Variants in C4BPA observed in about 807,000 individuals in gnomAD.
C4BPA encodes complement component 4 binding protein alpha.
In C4BPA, 31 loss-of-function variants were observed where a neutral mutation model predicts 63.7. The observed-to-expected ratio is 0.49, with a 90% CI of 0.37 to 0.66. The LOEUF (loss-of-function observed/expected upper bound fraction) is 0.66. Among genes scored for constraint, C4BPA ranks in the 30% least tolerant of loss-of-function variants. The pLI is 0.00. For synonymous variants in C4BPA, 259 were observed against 254.7 expected (o/e 1.02, Z -0.16); for missense variants, 572 against 723.3 (o/e 0.79, Z 2.40).
intron 1 of C4BPA, 80 bp from the exon 2 acceptor site, chr1:207,112,921 G>A: frequency 7.7e-7 from 1 of 1,302,442 alleles, no homozygotes; most frequent in Non-Finnish European, 1.0e-6. Context: ...TTGAAGACAT[G>A]GATCCCATAA....
chr1:207,131,471 G>C, intron 7 of C4BPA, 75 bp from the exon 8 acceptor site: 1 of 1,032,510 alleles, frequency 9.7e-7, no homozygotes, highest in East Asian at 2.5e-5. Flanking sequence ...CCTTTGATAG[G>C]ACAGGCTTAT....
chr1:207,127,325 G>A (rs1314414935), intron 7 of C4BPA: 1 of 152,356 alleles, frequency 6.6e-6, no homozygotes, highest in Non-Finnish European at 1.5e-5. Flanking sequence ...TGTGTGAACT[G>A]GTTATGATTC....
At chr1:207,121,583 T>G (rs925988701) in intron 4 of C4BPA, among the ~76,000 whole-genome samples, 2 of 152,118 alleles carry the variant, frequency 1.3e-5, no homozygotes, top group African/African-American at 2.4e-5. Flanking sequence ...CATTAGGAGT[T>G]TACATTTATT....
chr1:207,121,680 A>G (rs1185339714), intron 4 of C4BPA, among the ~76,000 whole-genome samples: 4 of 152,048 alleles, frequency 2.6e-5, no homozygotes, highest in Non-Finnish European at 5.9e-5. Flanking sequence ...TTCTATTAAA[A>G]ATATATGGTG....
At chr1:207,137,397 A>AT (rs1685304856) in intron 9 of C4BPA, among the ~76,000 whole-genome samples, 1 of 152,150 alleles carries the variant, frequency 6.6e-6, no homozygotes, top group South Asian at 2.1e-4. Flanking sequence ...GCTTTTATAC[A>AT]TTTTAGGGAG....
chr1:207,122,578 A>G (rs1262399411), intron 4 of C4BPA, among the ~76,000 whole-genome samples: 1 of 152,118 alleles, frequency 6.6e-6, no homozygotes, highest in African/African-American at 2.4e-5. Context: ...TACTTGAAAT[A>G]TATATATTTT....
At chr1:207,137,809 C>A (rs138766723) in intron 9 of C4BPA, among the ~76,000 whole-genome samples, 1 of 151,876 alleles carries the variant, frequency 6.6e-6, no homozygotes, top group African/African-American at 2.4e-5. Flanking sequence ...GTAGAGACAG[C>A]GTTTCACCAT....
intron 10 of C4BPA, 29 bp downstream of exon 10, chr1:207,141,305 A>AT (rs758503349): frequency 2.5e-5 from 40 of 1,595,840 alleles, no homozygotes; most frequent in Non-Finnish European, 2.6e-6. Flanking sequence ...TCAGCTCAAG[A>AT]TTAAGTGGGT....
At chr1:207,114,008 C>A in intron 2 of C4BPA, 92 bp from the exon 3 acceptor site, 1 of 1,072,712 alleles carries the variant, frequency 9.3e-7, no homozygotes, top group Non-Finnish European at 1.4e-6. Context: ...TTGAAAAGAA[C>A]GATCCCTGCT....
chr1:207,126,885 T>C lies in C4BPA; in HGVS notation c.879T>C (p.Ala293=), dbSNP rs946084245. ...GCAAATGGAATCCTTCTCCTCCTGC[T>C]TGTGAGCCCAGTAAGTATGGACTGT... ...ADSKWNPSPP[A]CEPNSCINLP... is the part of the protein sequence containing the mutation. The change falls in exon 7 of 12, where the codon GCT becomes GCC. Residue 293 remains alanine (A), a synonymous_variant. Transcript: ENST00000367070. The C allele has an allele frequency of 5.0e-6, 8 of 1,612,418 alleles. No individual in the cohort carries two copies. The highest frequency in any genetic ancestry group is 6.8e-6 in the Non-Finnish European group (8 of 1,179,010).
chr1:207,131,767 G>A (rs368499538), intron 8 of C4BPA, 27 bp downstream of exon 8: 18 of 1,483,610 alleles, frequency 1.2e-5, no homozygotes, highest in Non-Finnish European at 1.7e-5. Context: ...TAATATTTTT[G>A]TATATTAAAT....
At chr1:207,116,554 G>A (rs71515112) in intron 4 of C4BPA, among the ~76,000 whole-genome samples, 88,999 of 148,566 alleles carry the variant, frequency 0.6, 27,613 homozygotes, top group East Asian at 0.73. Context: ...GTGTGTGTGT[G>A]TGTGTATAAT....
intron 1 of C4BPA, among the ~76,000 whole-genome samples, chr1:207,106,135 C>T (rs1002813921): frequency 6.6e-6 from 1 of 152,144 alleles, no homozygotes; most frequent in African/African-American, 2.4e-5. Context: ...CTTCTCAGCT[C>T]GCAAGTTCTA....
chr1:207,117,426 G>A (rs1467126998), intron 4 of C4BPA, among the ~76,000 whole-genome samples: 1 of 152,164 alleles, frequency 6.6e-6, no homozygotes, highest in African/African-American at 2.4e-5. Context: ...ACTACAACCT[G>A]GGTGACAGGG....
At chr1:207,122,543 C>A (rs7545083) in intron 4 of C4BPA, among the ~76,000 whole-genome samples, 1 of 151,938 alleles carries the variant, frequency 6.6e-6, no homozygotes, top group Non-Finnish European at 1.5e-5. Flanking sequence ...TGTAGATTGA[C>A]GTATTGTTTT....
At chr1:207,107,862 G>A (rs182398392) in intron 1 of C4BPA, among the ~76,000 whole-genome samples, 1 of 152,242 alleles carries the variant, frequency 6.6e-6, no homozygotes, top group East Asian at 1.9e-4. Context: ...AGATTCTGGT[G>A]CAGCTGCTAT....
chr1:207,111,191 T>C (rs1428024107), intron 1 of C4BPA, among the ~76,000 whole-genome samples: 2 of 152,054 alleles, frequency 1.3e-5, no homozygotes, highest in Non-Finnish European at 2.9e-5. Context: ...GAGAGGAGCA[T>C]AGAGTTAGGA....
At chr1:207,141,471 C>G (rs1207313132) in intron 10 of C4BPA, among the ~76,000 whole-genome samples, 195 bp downstream of exon 10, 2 of 152,246 alleles carry the variant, frequency 1.3e-5, no homozygotes, top group African/African-American at 2.4e-5. Context: ...TCCTCCATTT[C>G]TTTCTCCCAA....
intron 9 of C4BPA, among the ~76,000 whole-genome samples, chr1:207,136,732 T>C (rs903285835): frequency 3.3e-5 from 5 of 152,204 alleles, no homozygotes; most frequent in Non-Finnish European, 7.3e-5. Flanking sequence ...ATGTTGAATA[T>C]TTCAAGTGGA....
Sources: allele counts gnomAD v4.1 joint callset (sites outside exome capture counted in the v4.1 genomes callset), GRCh38; gene constraint gnomAD v4.1.1; transcripts MANE v1.5; gene names NCBI Gene and HGNC (gene_info 2026-07-23, HGNC 2026-07-21).